CRY1: variants seen among roughly 807,000 people sequenced by gnomAD.
CRY1 encodes cryptochrome circadian regulator 1, also known as cryptochrome-1.
In CRY1, 45 loss-of-function variants were observed where a neutral mutation model predicts 76.0. The observed-to-expected ratio is 0.59, with a 90% CI of 0.47 to 0.76. The LOEUF is 0.76. CRY1 is among the 30% of genes least tolerant of loss of function. The pLI is 0.00. For missense variants in CRY1, 587 were observed against 716.4 expected, an observed-to-expected ratio of 0.82 and a Z score of 2.06; for synonymous variants, 248 against 244.0, an observed-to-expected ratio of 1.02 and a Z score of -0.15.
intron 1 of CRY1, among the ~76,000 whole-genome samples, chr12:107,073,930 C>A (rs1327799604): frequency 6.6e-6 from 1 of 152,178 alleles, no homozygotes; most frequent in East Asian, 1.9e-4. Flanking sequence ...GTTACCCTAA[C>A]CTCAATACAC....
At chr12:107,000,139 C>A in intron 5 of CRY1, 57 bp from the exon 6 acceptor site, 3 of 1,498,916 alleles carry the variant, frequency 2.0e-6, no homozygotes, top group South Asian at 1.4e-5. Context: ...TTTAAAAGAA[C>A]ACTCAGAATG....
intron 1 of CRY1, chr12:107,049,707 T>C (rs1952895406): frequency 6.6e-6 from 1 of 152,228 alleles, no homozygotes. Context: ...AACTCTCTGA[T>C]GGCTTCAAAG....
chr12:107,086,502 C>CG (rs1158529237), intron 1 of CRY1, among the ~76,000 whole-genome samples: 1 of 152,208 alleles, frequency 6.6e-6, no homozygotes, highest in Non-Finnish European at 1.5e-5. Flanking sequence ...GAGGCCTCCT[C>CG]GGGCAAAATG....
At chr12:107,052,175 A>C (rs1420852524) in intron 1 of CRY1, among the ~76,000 whole-genome samples, 1 of 134,126 alleles carries the variant, frequency 7.5e-6, no homozygotes, top group Non-Finnish European at 1.7e-5. Flanking sequence ...AAAAGAACCT[A>C]GAATTCTATA....
intron 1 of CRY1, among the ~76,000 whole-genome samples, chr12:107,041,192 G>A (rs552333916): frequency 2.0e-5 from 3 of 151,360 alleles, no homozygotes; most frequent in African/African-American, 4.9e-5. Context: ...ACATTTGGGC[G>A]TTTACTCAGG....
rs753452380 is a variant in CRY1 at position 106,999,589 on chromosome 12, G to A, written c.1099C>T (p.Arg367Ter). Residue 367 changes from arginine (R) to a stop codon, truncating the protein, a stop_gained, in exon 7 of 13, where the codon CGA becomes TGA. Coordinates refer to ENST00000008527, the MANE Select transcript of CRY1 (RefSeq NM_004075.5). LOFTEE classifies it high-confidence loss of function. ...ARHAVACFLT[R>*]GDLWISWEEG... ...TCCCAACTAATCCACAGGTCCCCTC[G>A]TGTCAGGAAGCAAGCAACTGCATGC... The A allele has an allele frequency of 1.2e-6, 2 of 1,614,046 alleles. No individual in the cohort carries two copies. The highest frequency in any genetic ancestry group is 1.7e-5 in the Admixed American group (1 of 60,006).
At position 107,000,099 on chromosome 12, in the gene CRY1, A is replaced by G. The variant is rs946330539; in HGVS notation, c.685-17T>C. On this transcript the variant is annotated splice_polypyrimidine_tract_variant and intron_variant, in intron 5 of 12. Transcript: ENST00000008527. ...CACCCAAGCCTGAAAACACACAGAG[A>G]AAATTATATTAACTAATTGTCTTTT... is the stretch of plus-strand genomic sequence containing the variant. 10 of 1,574,522 alleles carry G rather than the reference A, an allele frequency of 6.4e-6. No homozygotes were observed. The highest frequency in any genetic ancestry group is 8.6e-6 in the Non-Finnish European group (10 of 1,167,852).
intron 1 of CRY1, among the ~76,000 whole-genome samples, chr12:107,023,419 C>G (rs1565828223): frequency 4.6e-5 from 7 of 152,202 alleles, no homozygotes; most frequent in Non-Finnish European, 1.5e-5. Flanking sequence ...CCATACTGAA[C>G]AGTATAGCTA....
Position 107,000,004 on chromosome 12 carries a change from G to C in CRY1, c.763C>G (p.Leu255Val). Reference protein sequence around the residue: ...LASPTGLSPYLRFGCLSCRLF... With the variant: ...LASPTGLSPYVRFGCLSCRLF... ...CGACATGACAAACAACCAAATCGGA[G>C]ATAAGGACTAAGTCCAGTAGGGCTT... Residue 255 changes from leucine to valine, a missense_variant, in exon 6 of 13, where the codon CTC (leucine) becomes GTC (valine). Physicochemically the swap from Leu to Val is conservative, Grantham distance 32. Transcript: ENST00000008527. 6.2e-7 allele frequency: 1 copy of C among 1,613,062 alleles called. No homozygotes were observed. Among genetic ancestry groups the C allele is most frequent in the African/African-American group, 1.3e-5 (1 of 74,984 alleles).
At chr12:107,066,313 A>G (rs1333830867) in intron 1 of CRY1, among the ~76,000 whole-genome samples, 1 of 152,104 alleles carries the variant, frequency 6.6e-6, no homozygotes, top group East Asian at 1.9e-4. Context: ...ACTTCTTTTT[A>G]TTTTAAAATG....
At chr12:106,996,239 T>C (rs1009038106) in intron 10 of CRY1, among the ~76,000 whole-genome samples, 10 of 152,250 alleles carry the variant, frequency 6.6e-5, no homozygotes, top group African/African-American at 2.2e-4. Flanking sequence ...TTTCTGTTCC[T>C]GCCTTAGTTT....
chr12:107,043,396 G>A (rs1023899695), intron 1 of CRY1, among the ~76,000 whole-genome samples: 23 of 152,106 alleles, frequency 1.5e-4, no homozygotes, highest in African/African-American at 4.6e-4. Context: ...AGCTGAAGTG[G>A]AGCCCTACAT....
At chr12:107,063,866 G>C (rs891061301) in intron 1 of CRY1, among the ~76,000 whole-genome samples, 21 of 152,176 alleles carry the variant, frequency 1.4e-4, no homozygotes, top group Middle Eastern at 3.4e-3. Flanking sequence ...CCAAAGTGCT[G>C]GGATTAAGGC....
chr12:107,056,583 T>C (rs2136880087), intron 1 of CRY1, among the ~76,000 whole-genome samples: 1 of 152,136 alleles, frequency 6.6e-6, no homozygotes, highest in South Asian at 2.1e-4. Context: ...GCACAGACTT[T>C]TTTTTTTTTA....
chr12:107,085,542 T>C (rs1336491824), intron 1 of CRY1, among the ~76,000 whole-genome samples: 1 of 152,114 alleles, frequency 6.6e-6, no homozygotes, highest in Non-Finnish European at 1.5e-5. Flanking sequence ...AAAGCATCAT[T>C]CTCAGCAAAC....
chr12:107,057,466 C>T (rs1403752488), intron 1 of CRY1, among the ~76,000 whole-genome samples: 2 of 152,160 alleles, frequency 1.3e-5, no homozygotes, highest in African/African-American at 2.4e-5. Flanking sequence ...TAGAAGAATG[C>T]CTCTTTCTTT....
chr12:107,072,081 C>A (rs1275914571), intron 1 of CRY1, among the ~76,000 whole-genome samples: 2 of 152,210 alleles, frequency 1.3e-5, no homozygotes, highest in East Asian at 1.9e-4. Flanking sequence ...TCTAAGGATT[C>A]TGGAATGTTA....
intron 7 of CRY1, among the ~76,000 whole-genome samples, chr12:106,998,888 C>T (rs1392804285): frequency 6.6e-6 from 1 of 151,562 alleles, no homozygotes; most frequent in Non-Finnish European, 1.5e-5. Flanking sequence ...ACTAAAAATG[C>T]AAAATTAGCT....
At chr12:107,007,038 T>A (rs1952384423) in intron 2 of CRY1, among the ~76,000 whole-genome samples, 1 of 152,152 alleles carries the variant, frequency 6.6e-6, no homozygotes, top group Non-Finnish European at 1.5e-5. Context: ...AAAGTGCACA[T>A]CAAGAAATTA....
Sources: gnomAD v4.1 joint callset for allele counts (sites outside exome capture counted in the v4.1 genomes callset) on GRCh38, gnomAD v4.1.1 for gene constraint, MANE v1.5 for transcripts, NCBI Gene and HGNC (gene_info 2026-07-23, HGNC 2026-07-21) for gene names.